The following SORCS1 variants were observed in gnomAD, a reference collection of about 807,000 sequenced individuals.
SORCS1 encodes the protein VPS10 domain-containing receptor SorCS1.
In SORCS1, 60 loss-of-function variants were observed where a neutral mutation model predicts 146.1. The observed-to-expected ratio is 0.41, with a 90% CI of 0.33 to 0.51. SORCS1 has a LOEUF of 0.51. Among genes scored for constraint, SORCS1 ranks in the 20% least tolerant of loss-of-function variants. The pLI, the probability that SORCS1 is intolerant of heterozygous loss-of-function variation, is 0.21. For missense variants in SORCS1, 1,352 were observed against 1,487.6 expected (o/e 0.91, Z 1.50); for synonymous variants, 637 against 584.0 (o/e 1.09, Z -1.31).
intron 2 of SORCS1, among the ~76,000 whole-genome samples, chr10:106,948,937 G>A (rs1180114782): frequency 6.6e-6 from 1 of 151,998 alleles, no homozygotes; most frequent in African/African-American, 2.4e-5. Context: ...CTTCAACCTA[G>A]GAGACAGAGA....
chr10:106,603,102 C>T (rs1846350975), intron 23 of SORCS1, among the ~76,000 whole-genome samples: 1 of 152,132 alleles, frequency 6.6e-6, no homozygotes, highest in Admixed American at 6.5e-5. Context: ...CACCTAGGCT[C>T]CTTATCTCCC....
intron 19 of SORCS1, among the ~76,000 whole-genome samples, chr10:106,621,015 T>G: frequency 6.6e-6 from 1 of 152,090 alleles, no homozygotes; most frequent in East Asian, 1.9e-4. Flanking sequence ...ATTTATTGGG[T>G]TTTAAAGGTC....
intron 1 of SORCS1, among the ~76,000 whole-genome samples, chr10:107,137,988 G>A (rs551822532): frequency 5.5e-4 from 84 of 151,976 alleles, no homozygotes; most frequent in African/African-American, 1.4e-3. Flanking sequence ...CACCTATTAC[G>A]TTCCTGAAAT....
In SORCS1 at chr10:106,803,610, G is replaced by A. The variant is rs369949272; in HGVS notation, c.726+25964C>T. ...CTCTCCAACCTCTATCAGCTCTTTA[G>A]GTCTTGTTATCTCAATGATACATTT... On this transcript the variant is annotated intron_variant, in intron 3 of 25. Transcript: ENST00000263054. Among the ~76,000 whole-genome samples, 204 of 152,172 alleles carry A rather than the reference G, an allele frequency of 1.3e-3. 1 individual carries two copies. Among genetic ancestry groups the A allele is most frequent in the African/African-American group, 4.6e-3 (192 of 41,532 alleles).
At chr10:106,794,984 A>C (rs1238104552) in intron 3 of SORCS1, among the ~76,000 whole-genome samples, 1 of 152,184 alleles carries the variant, frequency 6.6e-6, no homozygotes, top group African/African-American at 2.4e-5. Flanking sequence ...TTAGGAAATC[A>C]CTTCTTATGT....
chr10:106,795,854 T>C (rs1161214844), intron 3 of SORCS1, among the ~76,000 whole-genome samples: 1 of 152,188 alleles, frequency 6.6e-6, no homozygotes, highest in East Asian at 1.9e-4. Context: ...TCTCTGCCAC[T>C]GTCTAGTTCT....
intron 2 of SORCS1, among the ~76,000 whole-genome samples, chr10:106,835,658 C>A (rs1396463193): frequency 6.6e-6 from 1 of 152,186 alleles, no homozygotes; most frequent in East Asian, 1.9e-4. Flanking sequence ...CCACACTCTG[C>A]TTCTATAATA....
At chr10:106,801,291 A>T (rs1245002648) in intron 3 of SORCS1, among the ~76,000 whole-genome samples, 5 of 152,192 alleles carry the variant, frequency 3.3e-5, no homozygotes, top group Non-Finnish European at 5.9e-5. Flanking sequence ...TAAAGGCAAG[A>T]GAAGGAAGGA....
At chr10:106,905,871 A>G (rs184925007) in intron 2 of SORCS1, among the ~76,000 whole-genome samples, 105 of 152,340 alleles carry the variant, frequency 6.9e-4, no homozygotes, top group Non-Finnish European at 1.2e-3. Flanking sequence ...AAAAGGCTCT[A>G]ATTAGCTTTA....
At chr10:107,048,007 C>T (rs1029825584) in intron 1 of SORCS1, among the ~76,000 whole-genome samples, 2 of 152,030 alleles carry the variant, frequency 1.3e-5, no homozygotes, top group East Asian at 1.9e-4. Flanking sequence ...CACCTGAGCC[C>T]GCGAAGTCAA....
At chr10:106,978,162 C>T (rs1015733149) in intron 1 of SORCS1, among the ~76,000 whole-genome samples, 9 of 152,120 alleles carry the variant, frequency 5.9e-5, no homozygotes, top group African/African-American at 1.7e-4. Context: ...CCAGGCTAGT[C>T]GCGAACCCCT....
the SORCS1 span, among the ~76,000 whole-genome samples, chr10:107,172,579 T>A: frequency 6.6e-6 from 1 of 152,230 alleles, no homozygotes; most frequent in Non-Finnish European, 1.5e-5. Context: ...CAAACTCCTG[T>A]AGGTTAGGGG....
At chr10:106,754,736 G>T (rs1858508744) in intron 5 of SORCS1, among the ~76,000 whole-genome samples, 1 of 152,084 alleles carries the variant, frequency 6.6e-6, no homozygotes, top group African/African-American at 2.4e-5. Flanking sequence ...TTATCCTTCT[G>T]CTATATAATA....
chr10:106,959,249 C>A (rs942099655), intron 1 of SORCS1, among the ~76,000 whole-genome samples: 1 of 152,194 alleles, frequency 6.6e-6, no homozygotes, highest in East Asian at 1.9e-4. Flanking sequence ...GGCAGTTTAT[C>A]AACACAGCAC....
chr10:107,034,680 CAAAAAAAAAAAAAAA>C (rs553032484), intron 1 of SORCS1, among the ~76,000 whole-genome samples: 1 of 13,800 alleles, frequency 7.2e-5, no homozygotes, highest in Admixed American at 1.8e-3. Context: ...AACTCCATCT[CAAAAAAAAAAAAAAA>C]AAAAAAAAAA....
chr10:107,155,939 C>T (rs1350745333), intron 1 of SORCS1, among the ~76,000 whole-genome samples: 1 of 152,190 alleles, frequency 6.6e-6, no homozygotes, highest in East Asian at 1.9e-4. Context: ...AGAAACCAAA[C>T]AGCACATCCC....
intron 2 of SORCS1, among the ~76,000 whole-genome samples, chr10:106,908,865 T>C (rs529768294): frequency 6.6e-6 from 1 of 152,336 alleles, no homozygotes; most frequent in South Asian, 2.1e-4. Context: ...AAATCTGCCC[T>C]AGGCATCTTC....
intron 1 of SORCS1, among the ~76,000 whole-genome samples, chr10:107,129,342 T>C (rs968786273): frequency 2.6e-5 from 4 of 152,190 alleles, no homozygotes; most frequent in Non-Finnish European, 5.9e-5. Context: ...GAACATAGAA[T>C]AAATCCATCA....
chr10:106,870,879 A>C (rs1314869830), intron 2 of SORCS1, among the ~76,000 whole-genome samples: 1 of 151,894 alleles, frequency 6.6e-6, no homozygotes, highest in East Asian at 1.9e-4. Flanking sequence ...AGCAAAAAAG[A>C]AAAGAAAGAA....
Sources: allele counts gnomAD v4.1 joint callset (sites outside exome capture counted in the v4.1 genomes callset), GRCh38; gene constraint gnomAD v4.1.1; transcripts MANE v1.5; gene names NCBI Gene and HGNC (gene_info 2026-07-23, HGNC 2026-07-21).